CAMKK1: variants seen among roughly 807,000 people sequenced by gnomAD.
The protein encoded by CAMKK1 is calcium/calmodulin-dependent protein kinase kinase 1.
CAMKK1 carries 20 observed loss-of-function variants against 63.5 expected under a neutral mutation model. The ratio of observed to expected loss-of-function variants is 0.32; its 90% CI spans 0.22 to 0.46. The LOEUF is 0.46. Among genes scored for constraint, CAMKK1 ranks in the 20% least tolerant of loss-of-function variants. The pLI is 1.00. For missense variants in CAMKK1, 588 were observed against 658.1 expected (o/e 0.89, Z 1.17); for synonymous variants, 253 against 269.0 (o/e 0.94, Z 0.58).
Position 3,889,262 on chromosome 17 carries a change from T to C in CAMKK1, c.-43-3532A>G, listed in dbSNP as rs149716233. Among the ~76,000 whole-genome samples, 2 of 152,238 alleles carry C rather than the reference T, an allele frequency of 1.3e-5. No homozygotes were observed. Among genetic ancestry groups the C allele is most frequent in the African/African-American group, 4.8e-5 (2 of 41,528 alleles). ...CAAGCTCAGGCCTTAGTAGATACTC[T>C]GTAGAAACTTAATTCGGTGGATAAC... On this transcript the variant is annotated intron_variant, in intron 1 of 15. Transcript: ENST00000348335. This position sits in a 1 kb window ranked among gnomAD's most constrained non-coding sequence, Gnocchi z 5.2.
intron 14 of CAMKK1, among the ~76,000 whole-genome samples, chr17:3,867,217 C>T (rs530918376): frequency 1.2e-4 from 19 of 152,238 alleles, no homozygotes; most frequent in Middle Eastern, 6.8e-3. Context: ...CGTAAAAAGC[C>T]GAAGGAAGTG....
At chr17:3,869,367 C>T in intron 14 of CAMKK1, 120 bp downstream of exon 14, 1 of 1,388,628 alleles carries the variant, frequency 7.2e-7, no homozygotes, top group Non-Finnish European at 9.7e-7. Flanking sequence ...GCTCCAGTGG[C>T]CCAGGATCAC....
intron 14 of CAMKK1, among the ~76,000 whole-genome samples, chr17:3,867,360 C>A (rs774245032): frequency 6.6e-6 from 1 of 152,158 alleles, no homozygotes; most frequent in South Asian, 2.1e-4. Context: ...GGTGCACGAG[C>A]CCCGCAGAAA....
In CAMKK1 at chr17:3,884,605, C is replaced by T. The variant is rs117291258; in HGVS notation, c.361-178G>A. Among the ~76,000 whole-genome samples, 20 of 152,264 alleles carry T rather than the reference C, an allele frequency of 1.3e-4. No individual in the cohort carries two copies. The highest frequency in any genetic ancestry group is 3.9e-4 in the East Asian group (2 of 5,188). Reference sequence around the variant, plus strand: ...GTGGTGCCATCGCCCCCGTATGTGACGAGAAGACGTGGCTCATGTTTGAAA... The same window carrying T: ...GTGGTGCCATCGCCCCCGTATGTGATGAGAAGACGTGGCTCATGTTTGAAA... On this transcript the variant is annotated intron_variant, in intron 2 of 15. Transcript: ENST00000348335. This position sits in a 1 kb window ranked among gnomAD's most constrained non-coding sequence, Gnocchi z 4.5.
chr17:3,890,643 C>G lies in CAMKK1; in HGVS notation c.-44+2296G>C. On this transcript the variant is annotated intron_variant, in intron 1 of 15. Transcript: ENST00000348335. This position sits in a 1 kb window ranked among gnomAD's most constrained non-coding sequence, Gnocchi z 6.5. Reference sequence around the variant, plus strand: ...AGCAATCCGGGAGCCCTCCTTGTCACTCGTCCTTTCCCTGTTGCCCACCCT... The same window carrying G: ...AGCAATCCGGGAGCCCTCCTTGTCAGTCGTCCTTTCCCTGTTGCCCACCCT... The G allele has an allele frequency of 1.3e-6, 1 of 779,678 alleles. No individual in the cohort carries two copies. The highest frequency in any genetic ancestry group is 2.4e-6 in the Non-Finnish European group (1 of 417,920). 48.3% of individuals were successfully genotyped at this position (779,678 alleles called of 1,614,324 possible).
chr17:3,869,260 C>T (rs2054727693), intron 14 of CAMKK1, among the ~76,000 whole-genome samples: 1 of 152,214 alleles, frequency 6.6e-6, no homozygotes, highest in Non-Finnish European at 1.5e-5. Context: ...CCCGGCCCCA[C>T]GCCCGCTATT....
At chr17:3,869,707 A>G in intron 13 of CAMKK1, 92 bp from the exon 14 acceptor site, 3 of 1,601,854 alleles carry the variant, frequency 1.9e-6, no homozygotes, top group Non-Finnish European at 2.6e-6. Context: ...CTCAAACCCA[A>G]CACACATGCA....
chr17:3,886,106 TGTGAGTCATGA>T (rs2055639477), intron 1 of CAMKK1, among the ~76,000 whole-genome samples: 1 of 152,246 alleles, frequency 6.6e-6, no homozygotes, highest in Non-Finnish European at 1.5e-5. Flanking sequence ...CATGCAGCCC[TGTGAGTCATGA>T]GTCCCAACCC....
rs997965794 is a variant in CAMKK1, at chr17:3,860,472, T to G, written c.*1739A>C. 2.6e-5 allele frequency: 4 copies of G among 152,638 alleles called. No homozygotes were observed. Among genetic ancestry groups the G allele is most frequent in the African/African-American group, 9.7e-5 (4 of 41,440 alleles). The allele number at this position is 152,638 out of a possible 1,614,324, so 9.5% of individuals were successfully genotyped here. On this transcript the variant is annotated 3_prime_UTR_variant, in exon 16 of 16. Transcript: ENST00000348335. The stretch of plus-strand genomic sequence containing the variant: ...AAAACCCTCAGTGACAGGGTGAGCA[T>G]CCCACCTGGGCCTACCCCTGAGCTT...
rs762921052 is a variant in CAMKK1 at position 3,872,616 on chromosome 17, G to A, written c.1062C>T (p.Ile354=). 9.3e-6 allele frequency: 15 copies of A among 1,613,842 alleles called. No individual in the cohort carries two copies. The highest frequency in any genetic ancestry group is 4.5e-5 in the East Asian group (2 of 44,878). The stretch of plus-strand genomic sequence containing the variant: ...TGTGGAGGGCCAGGATGAAATCGTC[G>A]ATGAATGGGCACTGTGGGGTGGAGA... ...YCFVYGKCPF[I]DDFILALHRK... is the part of the protein sequence containing the mutation. Residue 354 remains isoleucine, a synonymous_variant, in exon 12 of 16, where the codon ATC becomes ATT. Transcript: ENST00000348335.
chr17:3,883,259 T>G lies in CAMKK1; in HGVS notation c.515-84A>C, dbSNP rs1021975729. The stretch of plus-strand genomic sequence containing the variant: ...CCCAAACCAGTCTCAAGCAAGAGTC[T>G]TGCATGCCCGTGGTCTTGTCCCAAC... On this transcript the variant is annotated intron_variant, in intron 5 of 15. Coordinates refer to ENST00000348335, the MANE Select transcript of CAMKK1 (RefSeq NM_032294.3). This position sits in a 1 kb window ranked among gnomAD's most constrained non-coding sequence, Gnocchi z 4.7. 1 of 1,574,674 alleles carries G rather than the reference T, an allele frequency of 6.4e-7. No homozygotes were observed. Among genetic ancestry groups the G allele is most frequent in the African/African-American group, 1.3e-5 (1 of 74,126 alleles).
At chr17:3,869,357 G>A (rs2054733102) in intron 14 of CAMKK1, 130 bp downstream of exon 14, 5 of 1,266,546 alleles carry the variant, frequency 3.9e-6, no homozygotes, top group Non-Finnish European at 5.4e-6. Context: ...CAGAATGGCG[G>A]CTCCAGTGGC....
chr17:3,871,333 G>GGTTT (rs1567617833), intron 12 of CAMKK1, among the ~76,000 whole-genome samples: 4 of 111,038 alleles, frequency 3.6e-5, no homozygotes, highest in African/African-American at 1.3e-4. Flanking sequence ...GTTGTTTTTT[G>GGTTT]TTTTTTTTTT....
intron 12 of CAMKK1, among the ~76,000 whole-genome samples, chr17:3,871,598 C>T (rs140194483): frequency 0.035 from 5,280 of 149,034 alleles, 220 homozygotes; most frequent in African/African-American, 0.071. Context: ...CCTCGTGATC[C>T]GCCCTCCTTG....
At chr17:3,878,305 C>G (rs2055259681) in intron 9 of CAMKK1, among the ~76,000 whole-genome samples, 1 of 152,198 alleles carries the variant, frequency 6.6e-6, no homozygotes, top group Admixed American at 6.5e-5. Context: ...ATCCACCTGT[C>G]CAGCCCCTGG....
intron 14 of CAMKK1, 116 bp from the exon 15 acceptor site, chr17:3,866,127 A>G: frequency 8.3e-7 from 1 of 1,211,246 alleles, no homozygotes; most frequent in South Asian, 1.4e-5. Context: ...TCCCATCTCA[A>G]TCAGCACAGC....
rs779151911 is a variant in CAMKK1, at chr17:3,869,520, G to A, written c.1308C>T (p.Asn436=). The A allele has an allele frequency of 5.0e-6, 8 of 1,614,238 alleles. No individual in the cohort carries two copies. The African/African-American group carries it at 8.0e-5, about 16-fold the overall frequency. Residue 436 remains asparagine, a synonymous_variant, in exon 14 of 16, where the codon AAC becomes AAT. Coordinates refer to ENST00000348335, the MANE Select transcript of CAMKK1 (RefSeq NM_032294.3). The part of the protein sequence containing the change: ...VVEVTEEEVK[N]SVRLIPSWTT... ...TCCAGCTGGGGATGAGCCTGACTGAGTTCTTAACCTCCTCCTCTGTCACCT... is the reference window on the plus strand; with the variant it reads ...TCCAGCTGGGGATGAGCCTGACTGAATTCTTAACCTCCTCCTCTGTCACCT...
In CAMKK1 at chr17:3,885,548, C is replaced by T. The variant is rs750564713; in HGVS notation, c.140G>A (p.Arg47Gln). Residue 47 changes from arginine to glutamine, a missense_variant, in exon 2 of 16, where the codon CGG becomes CAG. By Grantham distance (43) the Arg-to-Gln change is conservative. Transcript: ENST00000348335. ...PTRNGVDPPPRARAASVIPGS... is the reference protein window; with the variant it reads ...PTRNGVDPPPQARAASVIPGS... ...AGGGATCACAGAGGCAGCTCTGGCC[C>T]GTGGTGGGGGGTCCACACCGTTTCT... 3.1e-6 allele frequency: 5 copies of T among 1,613,868 alleles called. No individual in the cohort carries two copies. Among genetic ancestry groups the T allele is most frequent in the African/African-American group, 2.7e-5 (2 of 74,928 alleles).
rs771992188 is a variant in CAMKK1, at chr17:3,884,442, C to T, written c.361-15G>A. 27 of 1,611,916 alleles carry T rather than the reference C, an allele frequency of 1.7e-5. No homozygotes were observed. Among genetic ancestry groups the T allele is most frequent in the South Asian group, 1.1e-4 (10 of 90,858 alleles). On this transcript the variant is annotated splice_polypyrimidine_tract_variant and intron_variant, in intron 2 of 15. Coordinates refer to ENST00000348335, the MANE Select transcript of CAMKK1 (RefSeq NM_032294.3). The surrounding 1 kb of genome is among the most constrained non-coding windows in gnomAD (Gnocchi z 4.5). ...TGCACGCAGTCCTGTGGGGGAAGAG[C>T]GAGCACCAGGTGGAGCTGGGTCCGG...
Sources: allele counts gnomAD v4.1 joint callset (sites outside exome capture counted in the v4.1 genomes callset), GRCh38; gene constraint gnomAD v4.1.1; non-coding constraint Gnocchi (gnomAD v3.1); transcripts MANE v1.5; gene names NCBI Gene and HGNC (gene_info 2026-07-23, HGNC 2026-07-21).